The following PRDM1 variants were observed in gnomAD, a reference collection of about 807,000 sequenced individuals.
PRDM1 encodes PR/SET domain 1, also known as PR domain zinc finger protein 1.
A neutral mutation model predicts 62.8 loss-of-function variants in PRDM1; 13 were observed. The ratio of observed to expected loss-of-function variants is 0.21; its 90% CI spans 0.13 to 0.33. The LOEUF (loss-of-function observed/expected upper bound fraction) is 0.33. PRDM1 is among the 10% of genes least tolerant of loss of function. The pLI is 1.00. For synonymous variants in PRDM1, 396 were observed against 417.6 expected (o/e 0.95, Z 0.63); for missense variants, 895 against 1,058.8 (o/e 0.85, Z 2.15).
At chr6:106,022,722 C>G (rs1341659223) in intron 1 of PRDM1, among the ~76,000 whole-genome samples, 3 of 152,004 alleles carry the variant, frequency 2.0e-5, no homozygotes, top group Non-Finnish European at 4.4e-5. Context: ...ACCCGCCCAG[C>G]CTTTTTAATT....
chr6:105,996,312 A>G (rs1772348569), intron 1 of PRDM1, among the ~76,000 whole-genome samples: 1 of 152,162 alleles, frequency 6.6e-6, no homozygotes. Flanking sequence ...TGTGGTAGCC[A>G]CTGGTTCTGC....
At chr6:106,081,196 C>CGAAT (rs1773689242) in intron 1 of PRDM1, among the ~76,000 whole-genome samples, 1 of 152,148 alleles carries the variant, frequency 6.6e-6, no homozygotes, top group Non-Finnish European at 1.5e-5. Context: ...AACTCAGACA[C>CGAAT]GAATTTGGTT....
intron 1 of PRDM1, among the ~76,000 whole-genome samples, chr6:106,001,741 C>T (rs1278155223): frequency 2.6e-5 from 4 of 151,970 alleles, no homozygotes; most frequent in Admixed American, 6.6e-5. Flanking sequence ...TGCTGTATGT[C>T]TTGATATCTG....
intron 1 of PRDM1, among the ~76,000 whole-genome samples, chr6:106,031,288 T>C (rs546350859): frequency 2.6e-5 from 4 of 152,282 alleles, no homozygotes; most frequent in Admixed American, 1.3e-4. Flanking sequence ...GGACACCTTT[T>C]AAATATGTGG....
intron 1 of PRDM1, among the ~76,000 whole-genome samples, chr6:105,997,872 T>C (rs1772368489): frequency 6.6e-6 from 1 of 152,354 alleles, no homozygotes; most frequent in South Asian, 2.1e-4. Context: ...ACTTTCTATT[T>C]CAGTAGTATT....
Position 106,105,180 on chromosome 6 carries a change from A to T in PRDM1, c.1020A>T (p.Arg340Ser). 6.2e-7 allele frequency: 1 copy of T among 1,613,406 alleles called. No homozygotes were observed. The highest frequency in any genetic ancestry group is 1.1e-5 in the South Asian group (1 of 91,034). The change falls in exon 5 of 7, where the codon AGA becomes AGT. Residue 340 changes from arginine (R) to serine (S), a missense_variant. By Grantham distance (110) the Arg-to-Ser change is moderately radical. Around this residue, in one of 4 missense-constraint regions of PRDM1, gnomAD observed 444 missense variants for 422.7 expected, o/e 1.05. Coordinates refer to ENST00000369096, the MANE Select transcript of PRDM1 (RefSeq NM_001198.4). The stretch of plus-strand genomic sequence containing the variant: ...CCACCACTCCAAGCCCCTCTGCAAG[A>T]AGCAGCCCCGACCAAAGCCTCAAGA... ...PSSTTPSPSARSSPDQSLKSS... is the reference protein window; with the variant it reads ...PSSTTPSPSASSSPDQSLKSS...
At chr6:106,027,146 C>G (rs1195672113) in intron 1 of PRDM1, among the ~76,000 whole-genome samples, 1 of 152,226 alleles carries the variant, frequency 6.6e-6, no homozygotes, top group Non-Finnish European at 1.5e-5. Context: ...GCTCTGCTCT[C>G]CCTCAGTTTA....
chr6:106,086,210 T>C (rs1773797484), upstream of PRDM1: 2 of 345,492 alleles, frequency 5.8e-6, no homozygotes, highest in Non-Finnish European at 5.2e-6. Flanking sequence ...TCTCGGCGGC[T>C]GTGCTAGCAA....
chr6:106,104,706 T>G, intron 4 of PRDM1, 119 bp from the exon 5 acceptor site: 4 of 1,259,152 alleles, frequency 3.2e-6, no homozygotes, highest in Non-Finnish European at 4.4e-6. Flanking sequence ...AAGCCAGATA[T>G]GTGGCGATTG....
At chr6:106,026,624 C>A (rs913681291) in intron 1 of PRDM1, among the ~76,000 whole-genome samples, 4 of 152,180 alleles carry the variant, frequency 2.6e-5, no homozygotes, top group African/African-American at 9.7e-5. Flanking sequence ...AACTAAGCAG[C>A]CTCTGGCTGT....
chr6:106,056,303 G>A (rs1773266475), intron 1 of PRDM1, among the ~76,000 whole-genome samples: 1 of 152,204 alleles, frequency 6.6e-6, no homozygotes, highest in East Asian at 1.9e-4. Flanking sequence ...AGATCCCTAA[G>A]AGGATAAGGA....
chr6:106,094,591 C>A (rs998657787), intron 2 of PRDM1, among the ~76,000 whole-genome samples: 1 of 152,096 alleles, frequency 6.6e-6, no homozygotes, highest in African/African-American at 2.4e-5. Context: ...AGCTTTCCTC[C>A]GTATAAACTT....
intron 4 of PRDM1, among the ~76,000 whole-genome samples, chr6:106,103,038 A>C (rs1016061940): frequency 1.3e-5 from 2 of 152,312 alleles, no homozygotes; most frequent in African/African-American, 4.8e-5. Flanking sequence ...GCTGGGCCTC[A>C]CTGAAAGACC....
chr6:106,089,858 G>A (rs1043115457), intron 2 of PRDM1, among the ~76,000 whole-genome samples: 2 of 152,116 alleles, frequency 1.3e-5, no homozygotes, highest in African/African-American at 2.4e-5. Flanking sequence ...CCAAATATTC[G>A]TCTGTTCCCA....
Position 106,095,750 on chromosome 6 carries a change from T to G in PRDM1, c.411+16T>G, listed in dbSNP as rs1293677783. On this transcript the variant is annotated intron_variant, in intron 3 of 6. Coordinates refer to ENST00000369096, the MANE Select transcript of PRDM1 (RefSeq NM_001198.4). The stretch of plus-strand genomic sequence containing the variant: ...TTTTTGGAGGGTAAGTAAGGGAAAT[T>G]TCTTCAGACCCATTAAATGTTAGGA... 3 of 1,613,026 alleles carry G rather than the reference T, an allele frequency of 1.9e-6. No individual in the cohort carries two copies. In the East Asian group the frequency reaches 6.7e-5, roughly 36 times the overall value.
At chr6:106,042,944 G>A (rs925971456) in intron 1 of PRDM1, among the ~76,000 whole-genome samples, 5 of 152,142 alleles carry the variant, frequency 3.3e-5, no homozygotes, top group East Asian at 1.9e-4. Context: ...TCCACCTCCC[G>A]TATTCAAGAG....
chr6:105,996,783 G>A (rs543039229), intron 1 of PRDM1, among the ~76,000 whole-genome samples: 2 of 152,282 alleles, frequency 1.3e-5, no homozygotes, highest in East Asian at 3.9e-4. Context: ...AGGGTGAAGG[G>A]TAGATAGGGC....
intron 1 of PRDM1, chr6:106,072,174 T>A (rs939115369): frequency 1.3e-5 from 2 of 152,188 alleles, no homozygotes; most frequent in African/African-American, 4.8e-5. Context: ...TCGCCTATGG[T>A]GAGGAAAAGA....
At chr6:106,072,604 G>T (rs559103849) in intron 1 of PRDM1, among the ~76,000 whole-genome samples, 23 of 152,188 alleles carry the variant, frequency 1.5e-4, no homozygotes, top group Non-Finnish European at 1.9e-4. Context: ...CTCAAGACCC[G>T]GATAGCTGGA....
Sources: allele counts gnomAD v4.1 joint callset (sites outside exome capture counted in the v4.1 genomes callset), GRCh38; gene constraint gnomAD v4.1.1; regional missense constraint gnomAD v4.1.1; transcripts MANE v1.5; gene names NCBI Gene and HGNC (gene_info 2026-07-23, HGNC 2026-07-21).